The following CDCP1 variants were observed in gnomAD, a reference collection of about 807,000 sequenced individuals.
CDCP1 encodes CUB domain containing protein 1, also known as CUB domain-containing protein 1.
In CDCP1, 29 loss-of-function variants were observed where a neutral mutation model predicts 60.2. The observed-to-expected ratio is 0.48, with a 90% confidence interval of 0.36 to 0.66. The LOEUF is 0.66. CDCP1 is among the 30% of genes least tolerant of loss of function. The pLI is 0.00. For missense variants in CDCP1, 876 were observed against 1,074.3 expected, an observed-to-expected ratio of 0.82 and a Z score of 2.58; for synonymous variants, 387 against 431.1, an observed-to-expected ratio of 0.90 and a Z score of 1.27.
chr3:45,107,641 T>C (rs896551867), intron 4 of CDCP1, among the ~76,000 whole-genome samples: 1 of 152,186 alleles, frequency 6.6e-6, no homozygotes, highest in Non-Finnish European at 1.5e-5. Flanking sequence ...AGGACAGTCT[T>C]ACCACTTCCA....
chr3:45,108,826 CATGTATATATATAT>C, intron 4 of CDCP1, among the ~76,000 whole-genome samples: 1 of 27,574 alleles, frequency 3.6e-5, no homozygotes, highest in Non-Finnish European at 7.6e-5. Flanking sequence ...CATATATATG[CATGTATATATATAT>C]ATGCATGTAT....
At chr3:45,097,031 G>T (rs1408951411) in intron 4 of CDCP1, among the ~76,000 whole-genome samples, 1 of 152,210 alleles carries the variant, frequency 6.6e-6, no homozygotes, top group Non-Finnish European at 1.5e-5. Flanking sequence ...AACAGTGCCA[G>T]GCATGGTGGC....
At chr3:45,143,641 A>G (rs1271649774) in intron 1 of CDCP1, among the ~76,000 whole-genome samples, 1 of 152,232 alleles carries the variant, frequency 6.6e-6, no homozygotes, top group Admixed American at 6.5e-5. Context: ...TTTTTCTACA[A>G]TAACTATATG....
At chr3:45,107,525 C>T (rs141642391) in intron 4 of CDCP1, among the ~76,000 whole-genome samples, 1 of 152,182 alleles carries the variant, frequency 6.6e-6, no homozygotes, top group Non-Finnish European at 1.5e-5. Flanking sequence ...TCTTTTCTAA[C>T]CCTGCATGCC....
At position 45,146,245 on chromosome 3, in the gene CDCP1, C is replaced by G; in HGVS notation, c.43G>C (p.Val15Leu). 1 of 1,598,152 alleles carries G rather than the reference C, an allele frequency of 6.3e-7. No individual in the cohort carries two copies. The highest frequency in any genetic ancestry group is 1.1e-5 in the South Asian group (1 of 89,248). Residue 15 changes from valine to leucine, a missense_variant, in exon 1 of 9, where the codon GTT becomes CTT. Physicochemically the swap from Val to Leu is conservative, Grantham distance 32 (BLOSUM62 1). Around this residue, in one of 2 missense-constraint regions of CDCP1, gnomAD observed 150 missense variants for 138.6 expected, o/e 1.08. Transcript: ENST00000296129. ...AGGCGCGCCGCACCCAGCAGCAGAACCCCTAGCAGTGCGATAGAGACCCCG... is the reference window on the plus strand; with the variant it reads ...AGGCGCGCCGCACCCAGCAGCAGAAGCCCTAGCAGTGCGATAGAGACCCCG... ...NCGVSIALLG[V>L]LLLGAARLPR... is the part of the protein sequence containing the mutation.
chr3:45,133,321 G>A (rs1199941711), intron 1 of CDCP1, among the ~76,000 whole-genome samples: 1 of 151,596 alleles, frequency 6.6e-6, no homozygotes, highest in African/African-American at 2.4e-5. Context: ...GAACCCACCC[G>A]TGCTGTACAT....
At chr3:45,118,290 A>G (rs540307625) in intron 2 of CDCP1, 122 bp downstream of exon 2, 18 of 736,526 alleles carry the variant, frequency 2.4e-5, no homozygotes, top group South Asian at 2.0e-4. Flanking sequence ...AAAAAACTGT[A>G]GAGTTTCAGA....
chr3:45,113,797 C>T (rs1166845795), intron 2 of CDCP1, among the ~76,000 whole-genome samples: 1 of 152,210 alleles, frequency 6.6e-6, no homozygotes, highest in Non-Finnish European at 1.5e-5. Flanking sequence ...AACATGGTGA[C>T]TAACGTGACT....
chr3:45,130,623 G>A (rs1699074704), intron 1 of CDCP1, among the ~76,000 whole-genome samples: 1 of 152,074 alleles, frequency 6.6e-6, no homozygotes, highest in African/African-American at 2.4e-5. Flanking sequence ...GTTCTTGCAG[G>A]GCTTCACGGT....
At chr3:45,144,718 A>G (rs1031000728) in intron 1 of CDCP1, among the ~76,000 whole-genome samples, 2 of 152,248 alleles carry the variant, frequency 1.3e-5, no homozygotes, top group African/African-American at 4.8e-5. Flanking sequence ...CAGAGTTTCA[A>G]TACTGTTCCA....
chr3:45,095,249 A>C, intron 5 of CDCP1, 98 bp downstream of exon 5: 1 of 1,118,508 alleles, frequency 8.9e-7, no homozygotes, highest in South Asian at 1.4e-5. Flanking sequence ...GGCCTTTTTG[A>C]TATGATTTAC....
Position 45,128,922 on chromosome 3 carries a change from G to A in CDCP1, c.83-10301C>T, listed in dbSNP as rs533279706. Among the ~76,000 whole-genome samples, 3 of 152,298 alleles carry A rather than the reference G, an allele frequency of 2.0e-5. No homozygotes were observed. In the South Asian group the frequency reaches 6.2e-4, roughly 32 times the overall value. ...CAGTAGAACGGGGTTTCACCATATT[G>A]GCCAGACTGGTCTGGAACTCCTGAC... On this transcript the variant is annotated intron_variant, in intron 1 of 8. Transcript: ENST00000296129.
intron 1 of CDCP1, among the ~76,000 whole-genome samples, chr3:45,126,128 TTC>T (rs1698983879): frequency 7.7e-6 from 1 of 129,668 alleles, no homozygotes; most frequent in Non-Finnish European, 1.6e-5. Context: ...CTTTCTTTCT[TTC>T]TTTCTTTCTT....
At chr3:45,093,217 A>G in intron 6 of CDCP1, 60 bp downstream of exon 6, 1 of 1,544,676 alleles carries the variant, frequency 6.5e-7, no homozygotes, top group Non-Finnish European at 8.7e-7. Context: ...TGATCACAAA[A>G]CTAAAATCAA....
intron 1 of CDCP1, among the ~76,000 whole-genome samples, chr3:45,128,360 C>T (rs773296027): frequency 6.6e-6 from 1 of 152,238 alleles, no homozygotes; most frequent in African/African-American, 2.4e-5. Flanking sequence ...CCATGAGTTA[C>T]TGTCATGCCA....
rs1036184259 is a variant in CDCP1, at chr3:45,106,830, G to T, written c.1024+3643C>A. 3.3e-5 allele frequency among the ~76,000 whole-genome samples: 5 copies of T among 152,156 alleles called. 1 individual carries two copies. The highest frequency in any genetic ancestry group is 7.3e-5 in the Non-Finnish European group (5 of 68,032). On this transcript the variant is annotated intron_variant, in intron 4 of 8. Coordinates refer to ENST00000296129, the MANE Select transcript of CDCP1 (RefSeq NM_022842.5). ...GTCGAGGGGGAAACTAGCCCCAGGAGATTTTCCTCTAGCACTCACAGGAGA... is the reference window on the plus strand; with the variant it reads ...GTCGAGGGGGAAACTAGCCCCAGGATATTTTCCTCTAGCACTCACAGGAGA...
At chr3:45,144,567 G>A (rs1159014970) in intron 1 of CDCP1, among the ~76,000 whole-genome samples, 3 of 152,134 alleles carry the variant, frequency 2.0e-5, no homozygotes, top group Non-Finnish European at 4.4e-5. Flanking sequence ...GACCAAAATG[G>A]CAGCCTTCCC....
In CDCP1 at chr3:45,118,436, C is replaced by G; in HGVS notation, c.268G>C (p.Val90Leu). 6.2e-7 allele frequency: 1 copy of G among 1,613,984 alleles called. No individual in the cohort carries two copies. The highest frequency in any genetic ancestry group is 2.2e-5 in the East Asian group (1 of 44,886). The change falls in exon 2 of 9, where the codon GTC (valine) becomes CTC (leucine). Residue 90 changes from valine (V) to leucine (L), a missense_variant. Val to Leu is a conservative substitution (Grantham distance 32). This residue lies in a region of CDCP1 where 150 missense variants were observed against 138.6 expected (regional missense o/e 1.08). Transcript: ENST00000296129. ...FSCQSPENHF[V>L]IEIQKNIDCM... The stretch of plus-strand genomic sequence containing the variant: ...CCAATATTTTTCTGGATCTCTATGA[C>G]AAAGTGATTCTCAGGACTCTGGCAG...
rs999907375 is a variant in CDCP1 at position 45,087,427 on chromosome 3, G to A, written c.2082-1360C>T. Among the ~76,000 whole-genome samples the A allele has an allele frequency of 2.6e-5, 4 of 152,194 alleles. 1 individual carries two copies. The South Asian group carries it at 6.2e-4, about 24-fold the overall frequency. On this transcript the variant is annotated intron_variant, in intron 8 of 8. Coordinates refer to ENST00000296129, the MANE Select transcript of CDCP1 (RefSeq NM_022842.5). ...CAAGATGAGGCAAGTGCTGGATCTCGTTCCTTGTCCAATTCCCTCCTGATA... is the reference window on the plus strand; with the variant it reads ...CAAGATGAGGCAAGTGCTGGATCTCATTCCTTGTCCAATTCCCTCCTGATA...
Sources: allele counts gnomAD v4.1 joint callset (sites outside exome capture counted in the v4.1 genomes callset), GRCh38; gene constraint gnomAD v4.1.1; regional missense constraint gnomAD v4.1.1; transcripts MANE v1.5; gene names NCBI Gene and HGNC (gene_info 2026-07-23, HGNC 2026-07-21).